FAT3: variants seen among roughly 807,000 people sequenced by gnomAD.
FAT3 encodes FAT atypical cadherin 3, also known as protocadherin Fat 3.
FAT3 carries 95 observed loss-of-function variants against 310.2 expected under a neutral mutation model. That is an observed-to-expected ratio of 0.31 (90% CI 0.26 to 0.36). The LOEUF is 0.36. FAT3 is among the 10% of genes least tolerant of loss of function. FAT3 has a pLI of 1.00. For missense variants in FAT3, 5,408 were observed against 5,715.6 expected, an observed-to-expected ratio of 0.95 and a Z score of 1.74; for synonymous variants, 2,314 against 2,192.9, an observed-to-expected ratio of 1.06 and a Z score of -1.54.
chr11:92,482,319 T>A (rs1163665720), intron 2 of FAT3, among the ~76,000 whole-genome samples: 1 of 152,202 alleles, frequency 6.6e-6, no homozygotes, highest in Non-Finnish European at 1.5e-5. Flanking sequence ...TTAATAGTAA[T>A]AGCAGTAGCC....
intron 1 of FAT3, among the ~76,000 whole-genome samples, chr11:92,334,222 GA>G (rs1220928923): frequency 1.3e-5 from 2 of 151,810 alleles, no homozygotes; most frequent in African/African-American, 4.8e-5. Flanking sequence ...CTAAAAATAC[GA>G]AAATTAGCCA....
chr11:92,609,273 A>G (rs1351100746), intron 3 of FAT3, among the ~76,000 whole-genome samples: 1 of 152,184 alleles, frequency 6.6e-6, no homozygotes, highest in Non-Finnish European at 1.5e-5. Context: ...TCATTCCTTG[A>G]TAACAGCAAA....
chr11:92,806,363 T>C lies in FAT3; in HGVS notation c.9095T>C (p.Val3032Ala). Reference protein sequence around the residue: ...VNDNSPVCDQVAYTALLPEDI... With the variant: ...VNDNSPVCDQAAYTALLPEDI... ...TTACCTTTCTTCACCTTTGTCCAGGTTGCATATACAGCATTACTTCCTGAA... is the reference window on the plus strand; with the variant it reads ...TTACCTTTCTTCACCTTTGTCCAGGCTGCATATACAGCATTACTTCCTGAA... Residue 3032 changes from valine (V) to alanine (A), a missense_variant and splice_region_variant, in exon 12 of 28, where the codon GTT becomes GCT. Transcript: ENST00000525166. 1 of 1,598,238 alleles carries C rather than the reference T, an allele frequency of 6.3e-7. No homozygotes were observed. The highest frequency in any genetic ancestry group is 8.5e-7 in the Non-Finnish European group (1 of 1,171,636).
chr11:92,525,552 G>A (rs531722645), intron 3 of FAT3, among the ~76,000 whole-genome samples: 1 of 152,292 alleles, frequency 6.6e-6, no homozygotes, highest in African/African-American at 2.4e-5. Context: ...TCTAAGGATC[G>A]GGAGCAGGTG....
intron 1 of FAT3, among the ~76,000 whole-genome samples, chr11:92,293,735 C>T (rs1946773309): frequency 6.6e-6 from 1 of 151,452 alleles, no homozygotes; most frequent in African/African-American, 2.4e-5. Context: ...GGTCAGAGCA[C>T]ATAGAAAAGG....
chr11:92,229,495 TTTTTTTTTTTTGTTTTTTG>T lies in FAT3; in HGVS notation c.-18+4331_-18+4349del, dbSNP rs1864069526. On this transcript the variant is annotated intron_variant, in intron 1 of 27. Transcript: ENST00000525166. ...TTTTCTTTTTTTGTTTTTTCGTGTT[TTTTTTTTTTTTGTTTTTTG>T]TTTTTTTTTACATTGCCTCCCTTTC... Among the ~76,000 whole-genome samples, 3 of 92,564 alleles carry T rather than the reference TTTTTTTTTTTTGTTTTTTG, an allele frequency of 3.2e-5. 1 individual carries two copies. Among genetic ancestry groups the T allele is most frequent in the Non-Finnish European group, 4.5e-5 (2 of 44,324 alleles). The allele number at this position is 92,564 out of a possible 152,430, so 60.7% of individuals were successfully genotyped here.
At chr11:92,225,418 C>G (rs1030308664) in intron 1 of FAT3, among the ~76,000 whole-genome samples, 1 of 152,108 alleles carries the variant, frequency 6.6e-6, no homozygotes, top group African/African-American at 2.4e-5. Flanking sequence ...GCGGCGGGAG[C>G]CGGGAGGTTT....
chr11:92,413,968 G>C (rs1249833468), intron 2 of FAT3, among the ~76,000 whole-genome samples: 2 of 152,106 alleles, frequency 1.3e-5, no homozygotes, highest in Non-Finnish European at 2.9e-5. Context: ...TATCCTTCCA[G>C]GAGTTGCTAT....
chr11:92,724,615 A>T (rs1356726199), intron 4 of FAT3, among the ~76,000 whole-genome samples: 1 of 152,194 alleles, frequency 6.6e-6, no homozygotes, highest in Non-Finnish European at 1.5e-5. Context: ...CTTCCGTTTA[A>T]GTAAACTAAG....
At chr11:92,442,490 T>G (rs933197782) in intron 2 of FAT3, among the ~76,000 whole-genome samples, 1 of 151,910 alleles carries the variant, frequency 6.6e-6, no homozygotes, top group Non-Finnish European at 1.5e-5. Flanking sequence ...ATAAATAAAC[T>G]AATAAATAAA....
chr11:92,758,370 G>A lies in FAT3; in HGVS notation c.3670-3486G>A, dbSNP rs928992607. Among the ~76,000 whole-genome samples, 4 of 152,300 alleles carry A rather than the reference G, an allele frequency of 2.6e-5. No individual in the cohort carries two copies. The South Asian group carries it at 6.2e-4, about 24-fold the overall frequency. On this transcript the variant is annotated intron_variant, in intron 4 of 27. Transcript: ENST00000525166. ...CATAGGTCTGCAGGAGGCAGGGAAT[G>A]GCTTTACAGGAATGTTTGGATTGAG...
chr11:92,353,130 G>A lies in FAT3; in HGVS notation c.1018G>A (p.Gly340Ser). Reference sequence around the variant, plus strand: ...GATTGACTGGGAGAGCTTTCCCTATGGCTACAATCTCACTCTTCAAGCAAA... The same window carrying A: ...GATTGACTGGGAGAGCTTTCCCTATAGCTACAATCTCACTCTTCAAGCAAA... ...KQIDWESFPY[G>S]YNLTLQAKDK... is the part of the protein sequence containing the mutation. Residue 340 changes from glycine (G) to serine (S), a missense_variant, in exon 2 of 28, where the codon GGC becomes AGC. Gly to Ser is a moderately conservative substitution (Grantham distance 56). This residue lies in a region of FAT3 where 4,588 missense variants were observed against 4,809.8 expected (regional missense o/e 0.95). Transcript: ENST00000525166. 3 of 1,613,546 alleles carry A rather than the reference G, an allele frequency of 1.9e-6. No homozygotes were observed. Among genetic ancestry groups the A allele is most frequent in the Non-Finnish European group, 2.5e-6 (3 of 1,179,808 alleles).
intron 4 of FAT3, among the ~76,000 whole-genome samples, chr11:92,726,516 TA>T (rs1945004706): frequency 6.6e-6 from 1 of 152,112 alleles, no homozygotes; most frequent in South Asian, 2.1e-4. Context: ...AAAAGAATGA[TA>T]AAATGCCTAA....
chr11:92,578,310 TA>T (rs1199982944), intron 3 of FAT3, among the ~76,000 whole-genome samples: 1 of 152,098 alleles, frequency 6.6e-6, no homozygotes, highest in Non-Finnish European at 1.5e-5. Flanking sequence ...TACAATGCAT[TA>T]AAAATTCAGG....
intron 1 of FAT3, among the ~76,000 whole-genome samples, chr11:92,327,937 G>A (rs1417546055): frequency 6.6e-6 from 1 of 152,196 alleles, no homozygotes; most frequent in East Asian, 1.9e-4. Flanking sequence ...AGAAGAGGCA[G>A]AAATTTCCAT....
rs532541229 is a variant in FAT3, at chr11:92,892,895, G to C, written c.*1782G>C. ...ATATAACAATCCAGTCCTCAAAACT[G>C]AAAGTTGACAGGTTGAGGGACTTTC... On this transcript the variant is annotated 3_prime_UTR_variant, in exon 28 of 28. Transcript: ENST00000525166. The C allele has an allele frequency of 1.1e-4, 17 of 152,234 alleles. No homozygotes were observed. Among genetic ancestry groups the C allele is most frequent in the African/African-American group, 3.4e-4 (14 of 41,542 alleles). The allele number at this position is 152,234 out of a possible 1,614,324, so 9.4% of individuals were successfully genotyped here. A position where few individuals can be genotyped will look rare whatever the true frequency, so the allele number is the denominator to read the frequency against.
intron 4 of FAT3, among the ~76,000 whole-genome samples, chr11:92,732,810 T>G (rs1303839845): frequency 6.6e-6 from 1 of 152,182 alleles, no homozygotes; most frequent in Non-Finnish European, 1.5e-5. Context: ...GGTTAAGCAC[T>G]GGGGATACAA....
intron 1 of FAT3, among the ~76,000 whole-genome samples, chr11:92,249,223 A>C (rs903485521): frequency 2.0e-5 from 3 of 152,160 alleles, no homozygotes; most frequent in African/African-American, 2.4e-5. Context: ...TCATTACCTC[A>C]GATGAACTTG....
At chr11:92,534,937 C>T (rs1954204071) in intron 3 of FAT3, among the ~76,000 whole-genome samples, 1 of 152,126 alleles carries the variant, frequency 6.6e-6, no homozygotes, top group South Asian at 2.1e-4. Context: ...TAGAAGTATG[C>T]TTGGACCAAG....
Sources: gnomAD v4.1 joint callset for allele counts (sites outside exome capture counted in the v4.1 genomes callset) on GRCh38, gnomAD v4.1.1 for gene constraint, gnomAD v4.1.1 regional missense constraint, MANE v1.5 for transcripts, NCBI Gene and HGNC (gene_info 2026-07-23, HGNC 2026-07-21) for gene names.